Variants in GRM5 observed in about 807,000 individuals in gnomAD.
GRM5 encodes the protein glutamate metabotropic receptor 5.
In GRM5, 19 loss-of-function variants were observed where a neutral mutation model predicts 83.1. The observed-to-expected ratio is 0.23, with a 90% CI of 0.16 to 0.34. GRM5 has a LOEUF of 0.34. Among genes scored for constraint, GRM5 ranks in the 10% least tolerant of loss-of-function variants. GRM5 has a pLI of 1.00. For synonymous variants in GRM5, 675 were observed against 633.6 expected, an observed-to-expected ratio of 1.07 and a Z score of -0.98; for missense variants, 1,160 against 1,588.3, an observed-to-expected ratio of 0.73 and a Z score of 4.58.
At chr11:89,023,402 T>C (rs1327015681) in intron 2 of GRM5, among the ~76,000 whole-genome samples, 4 of 152,108 alleles carry the variant, frequency 2.6e-5, no homozygotes, top group African/African-American at 4.8e-5. Context: ...CAAGTTGAGA[T>C]TAAAAACTGC....
At chr11:88,990,735 C>T (rs1939933968) in intron 2 of GRM5, among the ~76,000 whole-genome samples, 2 of 151,562 alleles carry the variant, frequency 1.3e-5, no homozygotes, top group Non-Finnish European at 2.9e-5. Flanking sequence ...CGTAATCCAG[C>T]ATATAAACAG....
At chr11:88,805,964 A>T (rs866422079) in intron 3 of GRM5, among the ~76,000 whole-genome samples, 17 of 152,186 alleles carry the variant, frequency 1.1e-4, no homozygotes, top group African/African-American at 2.9e-4. Flanking sequence ...CCAGATCTCT[A>T]GGGTCAGACT....
intron 3 of GRM5, among the ~76,000 whole-genome samples, chr11:88,846,658 A>T (rs757968535): frequency 2.0e-5 from 3 of 152,066 alleles, no homozygotes; most frequent in African/African-American, 7.2e-5. Flanking sequence ...TGGACCTTCT[A>T]GTAGGCTCTA....
intron 1 of GRM5, among the ~76,000 whole-genome samples, chr11:89,059,816 G>A (rs1047110988): frequency 2.0e-5 from 3 of 151,928 alleles, no homozygotes; most frequent in Admixed American, 2.0e-4. Flanking sequence ...TACATGTGCA[G>A]AATGTGCAGG....
At chr11:88,899,933 A>G (rs1239535929) in intron 2 of GRM5, among the ~76,000 whole-genome samples, 4 of 152,100 alleles carry the variant, frequency 2.6e-5, no homozygotes, top group Admixed American at 2.6e-4. Context: ...TTCACTCACA[A>G]AGCTGATCCT....
intron 2 of GRM5, among the ~76,000 whole-genome samples, chr11:88,959,502 A>ATT (rs989722540): frequency 2.6e-5 from 4 of 152,086 alleles, no homozygotes; most frequent in Non-Finnish European, 5.9e-5. Context: ...TTTTATCTGC[A>ATT]TTTTAGATTT....
chr11:88,978,350 G>C (rs1939405682), intron 2 of GRM5, among the ~76,000 whole-genome samples: 1 of 151,916 alleles, frequency 6.6e-6, no homozygotes, highest in African/African-American at 2.4e-5. Flanking sequence ...AACTCATCAA[G>C]TTGTATCCAT....
intron 2 of GRM5, among the ~76,000 whole-genome samples, chr11:88,914,604 T>C (rs1476305043): frequency 6.6e-6 from 1 of 152,190 alleles, no homozygotes; most frequent in African/African-American, 2.4e-5. Context: ...AAGGTTATTC[T>C]GTGACTCAGC....
At chr11:88,744,870 G>T (rs1471671716) in intron 3 of GRM5, among the ~76,000 whole-genome samples, 1 of 152,132 alleles carries the variant, frequency 6.6e-6, no homozygotes. Context: ...GTTGAGGTAA[G>T]TCCTACATAC....
rs1944442474 is a variant in GRM5, at chr11:88,854,704, T to C, written c.662-4549A>G. The stretch of plus-strand genomic sequence containing the variant: ...ACAATGTTCACATCTGGCTGATGGG[T>C]ACACTACAAGCCTCAAATCCAACAA... On this transcript the variant is annotated intron_variant, in intron 2 of 9. Coordinates refer to ENST00000305447, the MANE Select transcript of GRM5 (RefSeq NM_001143831.3). Among the ~76,000 whole-genome samples, 4 of 151,888 alleles carry C rather than the reference T, an allele frequency of 2.6e-5. No homozygotes were observed. The South Asian group carries it at 8.3e-4, about 32-fold the overall frequency.
intron 1 of GRM5, among the ~76,000 whole-genome samples, chr11:89,053,168 A>G (rs1941795722): frequency 6.6e-6 from 1 of 152,170 alleles, no homozygotes; most frequent in Non-Finnish European, 1.5e-5. Context: ...TTCCAGGGAA[A>G]AGATGATTCA....
At chr11:88,604,614 C>T in intron 5 of GRM5, 104 bp downstream of exon 5, 1 of 945,080 alleles carries the variant, frequency 1.1e-6, no homozygotes, top group Non-Finnish European at 1.6e-6. Flanking sequence ...GAAACATTAC[C>T]AGGAAACCTA....
chr11:89,060,320 AAT>A (rs1335349716), intron 1 of GRM5, among the ~76,000 whole-genome samples: 5 of 151,576 alleles, frequency 3.3e-5, no homozygotes, highest in Admixed American at 1.3e-4. Flanking sequence ...ATATGAATGA[AAT>A]ATATGTTTCC....
chr11:89,040,667 C>A lies in GRM5; in HGVS notation c.661+6545G>T, dbSNP rs147604338. On this transcript the variant is annotated intron_variant, in intron 2 of 9. Coordinates refer to ENST00000305447, the MANE Select transcript of GRM5 (RefSeq NM_001143831.3). ...AGTGATCTATGACCATGCCACTCTTCTTCAGCCTGGGCAATAGAGAGAGAC... is the reference window on the plus strand; with the variant it reads ...AGTGATCTATGACCATGCCACTCTTATTCAGCCTGGGCAATAGAGAGAGAC... Among the ~76,000 whole-genome samples the A allele has an allele frequency of 6.3e-3, 951 of 152,130 alleles. 8 individuals carry two copies. Among genetic ancestry groups the A allele is most frequent in the African/African-American group, 0.022 (916 of 41,484 alleles).
At chr11:88,708,279 C>T (rs1941205138) in intron 3 of GRM5, among the ~76,000 whole-genome samples, 1 of 151,990 alleles carries the variant, frequency 6.6e-6, no homozygotes. Context: ...TGTCCCAGCA[C>T]CAAAGGGAGA....
chr11:89,054,019 A>T (rs1941819202), intron 1 of GRM5, among the ~76,000 whole-genome samples: 1 of 152,218 alleles, frequency 6.6e-6, no homozygotes, highest in African/African-American at 2.4e-5. Context: ...ACTTTAAAAG[A>T]CTTTGGCCTT....
At chr11:88,653,448 T>A in intron 3 of GRM5, 45 bp from the exon 4 acceptor site, 1 of 1,277,262 alleles carries the variant, frequency 7.8e-7, no homozygotes, top group Non-Finnish European at 1.1e-6. Flanking sequence ...AGATATCTCC[T>A]AAGCAAATGA....
At chr11:88,989,331 C>A (rs1939872425) in intron 2 of GRM5, among the ~76,000 whole-genome samples, 2 of 140,470 alleles carry the variant, frequency 1.4e-5, no homozygotes, top group South Asian at 5.1e-4. Context: ...TATATATGCA[C>A]CCAATACAGT....
chr11:88,812,544 A>G (rs868477701), intron 3 of GRM5, among the ~76,000 whole-genome samples: 1 of 152,146 alleles, frequency 6.6e-6, no homozygotes. Flanking sequence ...TATAGAGATA[A>G]AGCAACTAAG....
Sources: gnomAD v4.1 joint callset for allele counts (sites outside exome capture counted in the v4.1 genomes callset) on GRCh38, gnomAD v4.1.1 for gene constraint, MANE v1.5 for transcripts, NCBI Gene and HGNC (gene_info 2026-07-23, HGNC 2026-07-21) for gene names.